LRP1B: variants seen among roughly 807,000 people sequenced by gnomAD.
The protein encoded by LRP1B is LDL receptor related protein 1B, also known as low-density lipoprotein receptor-related protein 1B.
A neutral mutation model predicts 556.6 loss-of-function variants in LRP1B; 217 were observed. That is an observed-to-expected ratio of 0.39 (90% CI 0.35 to 0.44). The LOEUF is 0.44. LRP1B is among the 20% of genes least tolerant of loss of function. The probability of loss-of-function intolerance (pLI) is 1.00; values close to 1 mark genes in which losing one functional copy is unlikely to be tolerated. For synonymous variants in LRP1B, 2,047 were observed against 1,865.8 expected (o/e 1.10, Z -2.50); for missense variants, 5,053 against 5,620.8 (o/e 0.90, Z 3.23).
At chr2:140,903,207 T>C (rs1573861819) in intron 22 of LRP1B, 42 bp from the exon 23 acceptor site, 1 of 1,595,648 alleles carries the variant, frequency 6.3e-7, no homozygotes, top group Non-Finnish European at 8.5e-7. Context: ...TATCAATTGC[T>C]TTCCTCAGTT....
At chr2:140,544,658 A>AT (rs1157461899) in intron 43 of LRP1B, among the ~76,000 whole-genome samples, 1 of 152,062 alleles carries the variant, frequency 6.6e-6, no homozygotes, top group Non-Finnish European at 1.5e-5. Context: ...AGATCTTGTT[A>AT]TTTTTTATGA....
intron 1 of LRP1B, among the ~76,000 whole-genome samples, chr2:141,867,945 T>G (rs971471587): frequency 6.6e-6 from 1 of 152,126 alleles, no homozygotes; most frequent in Admixed American, 6.6e-5. Context: ...GGCTTGCTTA[T>G]GAAGTAGCAG....
At chr2:142,031,191 G>T (rs543737355) in intron 1 of LRP1B, among the ~76,000 whole-genome samples, 3 of 151,792 alleles carry the variant, frequency 2.0e-5, no homozygotes, top group Non-Finnish European at 2.9e-5. Flanking sequence ...TCTTGTGTGT[G>T]TGTAATGAGA....
At chr2:141,148,950 G>A (rs1176114449) in intron 7 of LRP1B, among the ~76,000 whole-genome samples, 2 of 152,048 alleles carry the variant, frequency 1.3e-5, no homozygotes, top group Non-Finnish European at 2.9e-5. Flanking sequence ...GCTGGGCATG[G>A]TGGTGGCACA....
At chr2:140,419,630 GACAA>G (rs761628491) in intron 66 of LRP1B, among the ~76,000 whole-genome samples, 3 of 152,094 alleles carry the variant, frequency 2.0e-5, no homozygotes, top group Non-Finnish European at 4.4e-5. Context: ...ATCAAATTAA[GACAA>G]ACAAAAAGCT....
At chr2:140,920,388 A>G (rs139247295) in intron 21 of LRP1B, among the ~76,000 whole-genome samples, 160 of 152,180 alleles carry the variant, frequency 1.1e-3, no homozygotes, top group African/African-American at 3.7e-3. Flanking sequence ...ATGTATAAGA[A>G]AGCTATTCTA....
At chr2:141,326,352 G>C (rs1687429304) in intron 3 of LRP1B, among the ~76,000 whole-genome samples, 1 of 151,956 alleles carries the variant, frequency 6.6e-6, no homozygotes, top group Non-Finnish European at 1.5e-5. Flanking sequence ...AAGTTAATAA[G>C]TATAAGTTAA....
In LRP1B at chr2:140,233,284, C is replaced by T. The variant is rs199907421; in HGVS notation, c.13702G>A (p.Asp4568Asn). 6.2e-7 allele frequency: 1 copy of T among 1,604,880 alleles called. No homozygotes were observed. Among genetic ancestry groups the T allele is most frequent in the Non-Finnish European group, 8.5e-7 (1 of 1,174,004 alleles). Reference protein sequence around the residue: ...SNPVYAKLYMDGQNCRNSLGS... With the variant: ...SNPVYAKLYMNGQNCRNSLGS... ...AAGGAGTTTCGACAGTTTTGCCCAT[C>T]CATATATAATTTTGCATATACCGGA... Residue 4568 changes from aspartate to asparagine, a missense_variant, in exon 91 of 91, where the codon GAT (aspartate) becomes AAT (asparagine). This residue lies in a region of LRP1B where 551 missense variants were observed against 592.0 expected (regional missense o/e 0.93). Transcript: ENST00000389484.
chr2:142,030,007 G>T (rs1703631486), intron 1 of LRP1B, among the ~76,000 whole-genome samples: 1 of 142,596 alleles, frequency 7.0e-6, no homozygotes, highest in African/African-American at 2.6e-5. Flanking sequence ...CACAACCTTT[G>T]AAAAATACTC....
At chr2:140,500,935 G>C (rs1463135376) in intron 55 of LRP1B, among the ~76,000 whole-genome samples, 1 of 151,886 alleles carries the variant, frequency 6.6e-6, no homozygotes, top group Admixed American at 6.6e-5. Flanking sequence ...ATACAGAGTT[G>C]TTGCTCCATT....
chr2:140,954,410 C>T (rs962289106), intron 18 of LRP1B, among the ~76,000 whole-genome samples: 1 of 151,912 alleles, frequency 6.6e-6, no homozygotes, highest in Admixed American at 6.6e-5. Flanking sequence ...TTTTTTGACT[C>T]TATAATAAGC....
intron 7 of LRP1B, among the ~76,000 whole-genome samples, chr2:141,086,514 A>G (rs553695457): frequency 8.5e-5 from 13 of 152,330 alleles, no homozygotes; most frequent in Middle Eastern, 3.4e-3. Context: ...TTTTGGTTAC[A>G]TAACACAAGG....
Position 140,358,885 on chromosome 2 carries a change from C to T in LRP1B, c.11193G>A (p.Gln3731=). Residue 3731 remains glutamine (Q), a synonymous_variant, in exon 73 of 91, where the codon CAG becomes CAA. Transcript: ENST00000389484. Reference sequence around the variant, plus strand: ...CAATCCCATTGCACATTTGCTCCGACTGTAGGCATATTCTGTTATTTCTGC... The same window carrying T: ...CAATCCCATTGCACATTTGCTCCGATTGTAGGCATATTCTGTTATTTCTGC... ...HRCRNNRICL[Q]SEQMCNGIDE... 6.2e-7 allele frequency: 1 copy of T among 1,609,358 alleles called. No individual in the cohort carries two copies. Among genetic ancestry groups the T allele is most frequent in the Non-Finnish European group, 8.5e-7 (1 of 1,176,490 alleles).
At chr2:141,645,837 A>G (rs1018859588) in intron 2 of LRP1B, among the ~76,000 whole-genome samples, 2 of 152,064 alleles carry the variant, frequency 1.3e-5, no homozygotes, top group African/African-American at 4.8e-5. Flanking sequence ...GAATACAGGC[A>G]CACACATCCA....
At chr2:141,567,689 G>A (rs1466686881) in intron 2 of LRP1B, among the ~76,000 whole-genome samples, 6 of 151,692 alleles carry the variant, frequency 4.0e-5, no homozygotes, top group Non-Finnish European at 8.8e-5. Flanking sequence ...AATTACATTA[G>A]GTATGTGGGA....
chr2:141,253,633 G>T (rs1291299685), intron 4 of LRP1B, among the ~76,000 whole-genome samples: 1 of 151,998 alleles, frequency 6.6e-6, no homozygotes, highest in Non-Finnish European at 1.5e-5. Flanking sequence ...ATTATCTCAT[G>T]AATTTTTTCA....
At chr2:141,376,536 G>T (rs922301724) in intron 3 of LRP1B, among the ~76,000 whole-genome samples, 2 of 151,998 alleles carry the variant, frequency 1.3e-5, no homozygotes, top group Non-Finnish European at 2.9e-5. Flanking sequence ...CCGTGGAGGA[G>T]GCACATTCTA....
At chr2:140,347,441 A>AGAG (rs1303643981) in intron 77 of LRP1B, among the ~76,000 whole-genome samples, 1 of 151,550 alleles carries the variant, frequency 6.6e-6, no homozygotes, top group African/African-American at 2.4e-5. Context: ...AGATCACAGA[A>AGAG]GAGTATTCCC....
chr2:141,832,283 A>G (rs998264082), intron 1 of LRP1B, among the ~76,000 whole-genome samples: 2 of 150,898 alleles, frequency 1.3e-5, no homozygotes, highest in Non-Finnish European at 3.0e-5. Flanking sequence ...GACCTTGAAA[A>G]TTGGTCTACT....
Sources: allele counts gnomAD v4.1 joint callset (sites outside exome capture counted in the v4.1 genomes callset), GRCh38; gene constraint gnomAD v4.1.1; regional missense constraint gnomAD v4.1.1; transcripts MANE v1.5; gene names NCBI Gene and HGNC (gene_info 2026-07-23, HGNC 2026-07-21).